The following CERS6 variants were observed in gnomAD, a reference collection of about 807,000 sequenced individuals.
CERS6 encodes ceramide synthase 6, also known as LAG1 homolog, ceramide synthase 6.
CERS6 carries 26 observed loss-of-function variants against 56.8 expected under a neutral mutation model. The ratio of observed to expected loss-of-function variants is 0.46; its 90% CI spans 0.34 to 0.63. The LOEUF (loss-of-function observed/expected upper bound fraction) is 0.63, where lower values mean the gene tolerates loss of function less well. Among genes scored for constraint, CERS6 ranks in the 30% least tolerant of loss-of-function variants. The probability of loss-of-function intolerance (pLI) is 0.01; values close to 1 mark genes in which losing one functional copy is unlikely to be tolerated. For missense variants in CERS6, 415 were observed against 467.5 expected, an observed-to-expected ratio of 0.89 and a Z score of 1.04; for synonymous variants, 164 against 173.3, an observed-to-expected ratio of 0.95 and a Z score of 0.42.
intron 1 of CERS6, among the ~76,000 whole-genome samples, chr2:168,457,384 C>T (rs1693691743): frequency 6.6e-6 from 1 of 152,158 alleles, no homozygotes; most frequent in African/African-American, 2.4e-5. Flanking sequence ...GAGGAATTGT[C>T]ATGCAATTGT....
At chr2:168,625,024 G>A (rs907561213) in intron 3 of CERS6, among the ~76,000 whole-genome samples, 7 of 152,184 alleles carry the variant, frequency 4.6e-5, no homozygotes, top group East Asian at 1.9e-4. Flanking sequence ...ACAGCGCAGT[G>A]ATTTATATTG....
chr2:168,573,336 T>C (rs1028485370), intron 3 of CERS6, among the ~76,000 whole-genome samples: 1 of 152,204 alleles, frequency 6.6e-6, no homozygotes, highest in African/African-American at 2.4e-5. Context: ...GAGTGAGTGC[T>C]TGTTGGGTAG....
intron 1 of CERS6, among the ~76,000 whole-genome samples, chr2:168,486,755 C>T (rs1366952238): frequency 2.6e-5 from 4 of 152,010 alleles, no homozygotes; most frequent in African/African-American, 7.2e-5. Flanking sequence ...TAGGTCAGTG[C>T]TTATACCCAT....
At chr2:168,617,057 G>A (rs909427031) in intron 3 of CERS6, among the ~76,000 whole-genome samples, 4 of 152,094 alleles carry the variant, frequency 2.6e-5, no homozygotes, top group Non-Finnish European at 5.9e-5. Context: ...CAGAATAAAA[G>A]TGGAAATCAA....
chr2:168,769,113 T>C (rs149005960), intron 9 of CERS6, among the ~76,000 whole-genome samples: 8 of 152,260 alleles, frequency 5.3e-5, no homozygotes, highest in African/African-American at 1.7e-4. Context: ...AATTGAGAGC[T>C]GATTTTAAAT....
At chr2:168,766,395 T>A in intron 9 of CERS6, 1 of 1,515,014 alleles carries the variant, frequency 6.6e-7, no homozygotes, top group Non-Finnish European at 9.1e-7. Flanking sequence ...GCCTCTTGCC[T>A]GTTGGAGGGG....
Position 168,773,101 on chromosome 2 carries a change from C to T in CERS6, c.*3439C>T, listed in dbSNP as rs1039864221. On this transcript the variant is annotated 3_prime_UTR_variant, in exon 10 of 10. Transcript: ENST00000305747. Reference sequence around the variant, plus strand: ...GATTTCATTTCCATTTACCTGAGTTCGCTTTAAAGAGCTTTTCAAAGAGAG... The same window carrying T: ...GATTTCATTTCCATTTACCTGAGTTTGCTTTAAAGAGCTTTTCAAAGAGAG... The T allele has an allele frequency of 3.3e-5, 5 of 152,172 alleles. No individual in the cohort carries two copies. The highest frequency in any genetic ancestry group is 1.3e-4 in the Admixed American group (2 of 15,278). The allele number at this position is 152,172 out of a possible 1,614,324, so 9.4% of individuals were successfully genotyped here. A position where few individuals can be genotyped will look rare whatever the true frequency, so the allele number is the denominator to read the frequency against.
chr2:168,657,744 A>C (rs1408403326), intron 4 of CERS6, among the ~76,000 whole-genome samples: 3 of 152,140 alleles, frequency 2.0e-5, no homozygotes, highest in African/African-American at 7.2e-5. Flanking sequence ...TGCGGGGCCC[A>C]CCAAGCCCAC....
intron 3 of CERS6, among the ~76,000 whole-genome samples, chr2:168,575,265 G>C (rs1447983203): frequency 6.6e-6 from 1 of 152,124 alleles, no homozygotes; most frequent in African/African-American, 2.4e-5. Flanking sequence ...CTGCTATAAA[G>C]ATATTACTGG....
At chr2:168,721,553 TG>T (rs1270651128) in intron 8 of CERS6, among the ~76,000 whole-genome samples, 1 of 116,726 alleles carries the variant, frequency 8.6e-6, no homozygotes, top group Admixed American at 9.7e-5. Flanking sequence ...TTTTTGTTTT[TG>T]TTTTTTTTTT....
chr2:168,672,316 G>C (rs1685939304), intron 4 of CERS6, among the ~76,000 whole-genome samples: 1 of 152,178 alleles, frequency 6.6e-6, no homozygotes, highest in Non-Finnish European at 1.5e-5. Flanking sequence ...GTTCTGAAAA[G>C]TATAGTATAT....
At chr2:168,590,925 T>C (rs1390348894) in intron 3 of CERS6, among the ~76,000 whole-genome samples, 3 of 152,242 alleles carry the variant, frequency 2.0e-5, no homozygotes, top group South Asian at 2.1e-4. Flanking sequence ...TCTCTACTTA[T>C]AGAGAGACAG....
chr2:168,536,817 A>T (rs1695272362), intron 1 of CERS6, among the ~76,000 whole-genome samples: 1 of 152,194 alleles, frequency 6.6e-6, no homozygotes, highest in South Asian at 2.1e-4. Context: ...TATCTTTGAT[A>T]GCATTCCTTG....
chr2:168,499,311 T>C (rs1169482643), intron 1 of CERS6, among the ~76,000 whole-genome samples: 1 of 152,202 alleles, frequency 6.6e-6, no homozygotes, highest in African/African-American at 2.4e-5. Context: ...AATGGACTTA[T>C]CTATATGTTT....
chr2:168,545,568 AT>A (rs1330783974), intron 1 of CERS6, among the ~76,000 whole-genome samples: 2 of 151,958 alleles, frequency 1.3e-5, no homozygotes, highest in African/African-American at 4.8e-5. Flanking sequence ...TGTTGAGTAA[AT>A]TTCTTGACTC....
chr2:168,674,235 T>G (rs1685996375), intron 4 of CERS6, among the ~76,000 whole-genome samples: 2 of 152,228 alleles, frequency 1.3e-5, no homozygotes, highest in African/African-American at 4.8e-5. Context: ...GGATGATGAT[T>G]TTTTAGAATA....
intron 1 of CERS6, among the ~76,000 whole-genome samples, chr2:168,505,382 C>A (rs1354673552): frequency 3.7e-3 from 353 of 96,344 alleles, no homozygotes; most frequent in Middle Eastern, 7.9e-3. Flanking sequence ...ACCCTGTTTC[C>A]AAAAAAAAAA....
intron 3 of CERS6, among the ~76,000 whole-genome samples, chr2:168,583,618 A>T (rs879601128): frequency 3.9e-5 from 6 of 152,202 alleles, no homozygotes; most frequent in Non-Finnish European, 7.3e-5. Context: ...GCCATCCCTT[A>T]ATATTGTCAG....
At chr2:168,757,081 C>A (rs1400550393) in intron 8 of CERS6, among the ~76,000 whole-genome samples, 1 of 152,052 alleles carries the variant, frequency 6.6e-6, no homozygotes, top group Admixed American at 6.6e-5. Context: ...ATATATGTAA[C>A]ATATTTGGCA....
Sources: gnomAD v4.1 joint callset for allele counts (sites outside exome capture counted in the v4.1 genomes callset) on GRCh38, gnomAD v4.1.1 for gene constraint, MANE v1.5 for transcripts, NCBI Gene and HGNC (gene_info 2026-07-23, HGNC 2026-07-21) for gene names.